The following PPP1R12B variants were observed in gnomAD, a reference collection of about 807,000 sequenced individuals.
PPP1R12B encodes protein phosphatase 1 regulatory subunit 12B, also known as myosin phosphatase target subunit 2.
In PPP1R12B, 76 loss-of-function variants were observed where a neutral mutation model predicts 126.1. The ratio of observed to expected loss-of-function variants is 0.60; its 90% CI spans 0.50 to 0.73. PPP1R12B has a LOEUF of 0.73. PPP1R12B is among the 30% of genes least tolerant of loss of function. The pLI is 0.00. For missense variants in PPP1R12B, 1,052 were observed against 1,205.1 expected (o/e 0.87, Z 1.88); for synonymous variants, 356 against 434.7 (o/e 0.82, Z 2.25).
At chr1:202,449,810 C>G (rs1672711084) in intron 13 of PPP1R12B, among the ~76,000 whole-genome samples, 1 of 152,034 alleles carries the variant, frequency 6.6e-6, no homozygotes, top group Admixed American at 6.6e-5. Flanking sequence ...CCTCAGCCTC[C>G]TGAGTAGCTG....
chr1:202,462,712 T>G (rs1320063630), intron 13 of PPP1R12B: 3 of 946,606 alleles, frequency 3.2e-6, no homozygotes, highest in African/African-American at 1.8e-5. Flanking sequence ...TTGTTTTTTA[T>G]CAGTTGATTT....
intron 18 of PPP1R12B, among the ~76,000 whole-genome samples, chr1:202,525,519 C>T (rs1296762272): frequency 1.3e-5 from 2 of 150,796 alleles, no homozygotes; most frequent in South Asian, 2.1e-4. Flanking sequence ...TGGTTTTGTT[C>T]GAATAGTGGG....
intron 18 of PPP1R12B, among the ~76,000 whole-genome samples, chr1:202,503,361 A>G (rs575367670): frequency 7.6e-4 from 116 of 152,358 alleles, no homozygotes; most frequent in Non-Finnish European, 1.5e-3. Flanking sequence ...TACAGAATAC[A>G]TTTGGTGGGG....
At chr1:202,487,204 G>A (rs1169006715) in intron 13 of PPP1R12B, among the ~76,000 whole-genome samples, 1 of 152,058 alleles carries the variant, frequency 6.6e-6, no homozygotes, top group African/African-American at 2.4e-5. Flanking sequence ...CTCAATATAT[G>A]GGGAAGAATA....
chr1:202,472,176 T>C, intron 13 of PPP1R12B: 1 of 749,648 alleles, frequency 1.3e-6, no homozygotes, highest in Non-Finnish European at 2.1e-6. Context: ...ATATTCCAGA[T>C]ATGAATATTT....
At chr1:202,566,499 A>T (rs941624276) in intron 21 of PPP1R12B, among the ~76,000 whole-genome samples, 5 of 152,218 alleles carry the variant, frequency 3.3e-5, no homozygotes, top group African/African-American at 1.2e-4. Flanking sequence ...TACATAAAAG[A>T]TCCACCCCAA....
intron 1 of PPP1R12B, among the ~76,000 whole-genome samples, chr1:202,366,450 G>A (rs1395475860): frequency 3.3e-5 from 5 of 150,528 alleles, no homozygotes; most frequent in East Asian, 2.0e-4. Flanking sequence ...ACTGGGAGGC[G>A]GAGGTTGCAG....
At chr1:202,553,357 A>G (rs1686517107) in intron 18 of PPP1R12B, among the ~76,000 whole-genome samples, 1 of 152,176 alleles carries the variant, frequency 6.6e-6, no homozygotes. Context: ...GACACACTAG[A>G]GAGTCTCATT....
intron 18 of PPP1R12B, among the ~76,000 whole-genome samples, chr1:202,540,472 A>G (rs1685010701): frequency 6.6e-6 from 1 of 152,236 alleles, no homozygotes; most frequent in African/African-American, 2.4e-5. Context: ...ATGTCGGGCT[A>G]CAGTTTCTGC....
At chr1:202,369,176 C>T (rs1486859006) in intron 1 of PPP1R12B, among the ~76,000 whole-genome samples, 1 of 152,180 alleles carries the variant, frequency 6.6e-6, no homozygotes, top group Non-Finnish European at 1.5e-5. Context: ...ACAGTGAAGA[C>T]ATTTCCCCAG....
At chr1:202,495,524 C>T in intron 16 of PPP1R12B, 42 bp downstream of exon 16, 1 of 1,610,572 alleles carries the variant, frequency 6.2e-7, no homozygotes, top group Non-Finnish European at 8.5e-7. Flanking sequence ...CCACAGTGCA[C>T]ATCCCCAGAT....
At chr1:202,439,582 C>A in intron 10 of PPP1R12B, 1 of 1,295,096 alleles carries the variant, frequency 7.7e-7, no homozygotes. Context: ...CCCAGGTGGC[C>A]GCCACCCCCT....
At chr1:202,398,150 A>C (rs1665276766) in intron 1 of PPP1R12B, among the ~76,000 whole-genome samples, 1 of 152,226 alleles carries the variant, frequency 6.6e-6, no homozygotes, top group African/African-American at 2.4e-5. Flanking sequence ...AGATTCTCAT[A>C]GTATATGATC....
chr1:202,438,505 G>T, intron 10 of PPP1R12B: 2 of 407,806 alleles, frequency 4.9e-6, no homozygotes, highest in Non-Finnish European at 9.4e-6. Context: ...AGAGGGCGAG[G>T]AGGAAGATGA....
Position 202,368,073 on chromosome 1 carries a change from G to A in PPP1R12B, c.291+18931G>A, listed in dbSNP as rs183437471. On this transcript the variant is annotated intron_variant, in intron 1 of 23. Coordinates refer to ENST00000608999, the MANE Select transcript of PPP1R12B (RefSeq NM_002481.4). The stretch of plus-strand genomic sequence containing the variant: ...CAACCTCCGCCTCCCAGGTTCAAGC[G>A]ATTCTCCTGCCTCAGTTTCCCGAGT... Among the ~76,000 whole-genome samples the A allele has an allele frequency of 4.4e-4, 67 of 152,068 alleles. No individual in the cohort carries two copies. The East Asian group carries it at 8.3e-3, about 19-fold the overall frequency.
chr1:202,500,127 T>G (rs1221183058), intron 18 of PPP1R12B, among the ~76,000 whole-genome samples: 1 of 152,190 alleles, frequency 6.6e-6, no homozygotes, highest in Non-Finnish European at 1.5e-5. Flanking sequence ...TTGGTATTTA[T>G]CCAGAGGAAA....
In PPP1R12B at chr1:202,348,750, T is replaced by C. The variant is rs932972485; in HGVS notation, c.-102T>C. The stretch of plus-strand genomic sequence containing the variant: ...TGGCGGCGCGAGGGTCTCCGCCCTC[T>C]GCTCCGGGCTGAAGCGCTCTGAGAG... On this transcript the variant is annotated 5_prime_UTR_variant, in exon 1 of 24. Coordinates refer to ENST00000608999, the MANE Select transcript of PPP1R12B (RefSeq NM_002481.4). 8 of 1,414,236 alleles carry C rather than the reference T, an allele frequency of 5.7e-6. No individual in the cohort carries two copies. The African/African-American group carries it at 8.7e-5, about 15-fold the overall frequency. The allele number at this position is 1,414,236 out of a possible 1,614,324, so 87.6% of individuals were successfully genotyped here. A position where few individuals can be genotyped will look rare whatever the true frequency, so the allele number is the denominator to read the frequency against.
At chr1:202,381,837 C>T (rs1435515291) in intron 1 of PPP1R12B, among the ~76,000 whole-genome samples, 1 of 152,100 alleles carries the variant, frequency 6.6e-6, no homozygotes, top group East Asian at 1.9e-4. Flanking sequence ...ATTAGGGCAA[C>T]AGTAAGTTAG....
intron 1 of PPP1R12B, among the ~76,000 whole-genome samples, chr1:202,408,843 C>CT (rs35632865): frequency 0.13 from 14,747 of 113,322 alleles, 1,089 homozygotes; most frequent in Non-Finnish European, 0.17. Context: ...TTATTTCTTT[C>CT]TTTTTTTTTT....
Sources: allele counts gnomAD v4.1 joint callset (sites outside exome capture counted in the v4.1 genomes callset), GRCh38; gene constraint gnomAD v4.1.1; transcripts MANE v1.5; gene names NCBI Gene and HGNC (gene_info 2026-07-23, HGNC 2026-07-21).